NAALADL2: variants seen among roughly 807,000 people sequenced by gnomAD.
NAALADL2 encodes N-acetylated alpha-linked acidic dipeptidase like 2, also known as inactive N-acetylated-alpha-linked acidic dipeptidase-like protein 2.
A neutral mutation model predicts 87.2 loss-of-function variants in NAALADL2; 76 were observed. The ratio of observed to expected loss-of-function variants is 0.87; its 90% CI spans 0.72 to 1.05. The LOEUF (loss-of-function observed/expected upper bound fraction) is 1.05, where lower values mean the gene tolerates loss of function less well. NAALADL2 is among the 50% of genes least tolerant of loss of function. The pLI, the probability that NAALADL2 is intolerant of heterozygous loss-of-function variation, is 0.00. For synonymous variants in NAALADL2, 354 were observed against 331.0 expected (o/e 1.07, Z -0.75); for missense variants, 1,089 against 945.8 (o/e 1.15, Z -1.99).
intron 1 of NAALADL2, among the ~76,000 whole-genome samples, chr3:174,521,067 G>A (rs1165299820): frequency 6.6e-6 from 1 of 152,170 alleles, no homozygotes; most frequent in Non-Finnish European, 1.5e-5. Context: ...TGGTGGGAAT[G>A]TAAATTAGTA....
intron 1 of NAALADL2, among the ~76,000 whole-genome samples, chr3:174,513,050 C>A (rs1191849523): frequency 1.3e-5 from 2 of 151,902 alleles, no homozygotes; most frequent in African/African-American, 4.8e-5. Context: ...CAACCTCTGC[C>A]TCCCGGGTTC....
Position 175,576,090 on chromosome 3 carries a change from T to A in NAALADL2, c.1703T>A (p.Ile568Asn). ...AGAGCCCAGTGCCCAGAAACCAATA[T>A]CAGTTCTATACAGATACAAGGTGAT... ...TRRAQCPETNISSIQIQGDAD... is the reference protein window; with the variant it reads ...TRRAQCPETNNSSIQIQGDAD... The change falls in exon 10 of 14, where the codon ATC becomes AAC. Residue 568 changes from isoleucine to asparagine, a missense_variant. By Grantham distance (149) the Ile-to-Asn change is moderately radical (BLOSUM62 -3). Coordinates refer to ENST00000454872, the MANE Select transcript of NAALADL2 (RefSeq NM_207015.3). 1 of 1,613,230 alleles carries A rather than the reference T, an allele frequency of 6.2e-7. No homozygotes were observed. The highest frequency in any genetic ancestry group is 8.5e-7 in the Non-Finnish European group (1 of 1,179,426).
At chr3:175,406,167 T>C (rs1235253998) in intron 5 of NAALADL2, among the ~76,000 whole-genome samples, 1 of 152,138 alleles carries the variant, frequency 6.6e-6, no homozygotes, top group Non-Finnish European at 1.5e-5. Flanking sequence ...AAAATGACAA[T>C]GGAGTGAATG....
At position 175,777,844 on chromosome 3, in the gene NAALADL2, AGAACTTTTTCTCAATGTG is replaced by A. The variant is rs1389093223; in HGVS notation, c.2189+22442_2189+22459del. The stretch of plus-strand genomic sequence containing the variant: ...TCCCATACTCCAAGTCAGAAAATGT[AGAACTTTTTCTCAATGTG>A]GAACTTTTTCTCAATAATTTACCGT... On this transcript the variant is annotated intron_variant, in intron 13 of 13. Coordinates refer to ENST00000454872, the MANE Select transcript of NAALADL2 (RefSeq NM_207015.3). Among the ~76,000 whole-genome samples, 52 of 152,260 alleles carry A rather than the reference AGAACTTTTTCTCAATGTG, an allele frequency of 3.4e-4. 1 individual carries two copies. Among genetic ancestry groups the A allele is most frequent in the African/African-American group, 8.4e-4 (35 of 41,520 alleles).
intron 9 of NAALADL2, 59 bp from the exon 10 acceptor site, chr3:175,575,981 TG>T: frequency 7.2e-7 from 1 of 1,397,688 alleles, no homozygotes; most frequent in South Asian, 1.3e-5. Context: ...TGAGTAGCAC[TG>T]ATCTAGGGAT....
At chr3:174,951,822 T>C (rs1470322416) in intron 1 of NAALADL2, among the ~76,000 whole-genome samples, 1 of 152,136 alleles carries the variant, frequency 6.6e-6, no homozygotes, top group Non-Finnish European at 1.5e-5. Context: ...ACTGCCATAA[T>C]TTCTCTTTCC....
intron 1 of NAALADL2, among the ~76,000 whole-genome samples, chr3:174,982,664 A>G (rs1181994937): frequency 6.6e-6 from 1 of 152,234 alleles, no homozygotes; most frequent in Non-Finnish European, 1.5e-5. Flanking sequence ...GTAACATCGA[A>G]GCCTTGCAAT....
At chr3:175,381,361 A>G (rs1018809751) in intron 5 of NAALADL2, among the ~76,000 whole-genome samples, 2 of 151,676 alleles carry the variant, frequency 1.3e-5, no homozygotes, top group Non-Finnish European at 2.9e-5. Flanking sequence ...TGTAAAAAAG[A>G]TTAGTTACAG....
chr3:175,584,880 T>C (rs1323476367), intron 10 of NAALADL2, among the ~76,000 whole-genome samples: 1 of 152,218 alleles, frequency 6.6e-6, no homozygotes, highest in Non-Finnish European at 1.5e-5. Context: ...GGTGAGTGAA[T>C]GTGAAGGCCT....
At chr3:175,762,259 C>T (rs888682070) in intron 13 of NAALADL2, among the ~76,000 whole-genome samples, 18 of 128,060 alleles carry the variant, frequency 1.4e-4, no homozygotes, top group African/African-American at 5.4e-4. Context: ...TCTCTTTTCT[C>T]TGTTGAATTG....
intron 1 of NAALADL2, among the ~76,000 whole-genome samples, chr3:175,014,528 A>T (rs890371898): frequency 1.3e-5 from 2 of 152,182 alleles, no homozygotes; most frequent in Non-Finnish European, 2.9e-5. Context: ...GTCATAAAAT[A>T]TAGGTTGAAC....
intron 2 of NAALADL2, among the ~76,000 whole-genome samples, chr3:175,168,978 A>G (rs1206149677): frequency 4.6e-5 from 7 of 151,800 alleles, no homozygotes; most frequent in African/African-American, 1.7e-4. Flanking sequence ...AAAACAGGAT[A>G]GCTGTACAGA....
At chr3:174,897,550 C>A (rs191485486) in intron 1 of NAALADL2, among the ~76,000 whole-genome samples, 1 of 152,080 alleles carries the variant, frequency 6.6e-6, no homozygotes, top group Non-Finnish European at 1.5e-5. Flanking sequence ...AAACAGGAAC[C>A]CTTGTACATT....
chr3:175,154,871 C>G (rs1037272461), intron 2 of NAALADL2, among the ~76,000 whole-genome samples: 1 of 151,950 alleles, frequency 6.6e-6, no homozygotes, highest in Non-Finnish European at 1.5e-5. Context: ...TAGCAAATCA[C>G]AGTAATGTCT....
chr3:175,095,969 A>C (rs1173597430), intron 1 of NAALADL2, among the ~76,000 whole-genome samples: 1 of 152,148 alleles, frequency 6.6e-6, no homozygotes, highest in Non-Finnish European at 1.5e-5. Context: ...ACAAGCTGTC[A>C]TCCAAAGCTG....
intron 11 of NAALADL2, among the ~76,000 whole-genome samples, chr3:175,695,882 T>C (rs1471823136): frequency 6.6e-6 from 1 of 152,122 alleles, no homozygotes; most frequent in Non-Finnish European, 1.5e-5. Context: ...GGCGTGCTTA[T>C]TAGATTAAAA....
chr3:175,648,493 T>A (rs1207721267), intron 11 of NAALADL2, among the ~76,000 whole-genome samples: 1 of 108,488 alleles, frequency 9.2e-6, no homozygotes, highest in Non-Finnish European at 2.0e-5. Flanking sequence ...GACAATTTTC[T>A]TTTTTTTTTT....
At chr3:175,579,868 GTCTA>G (rs142433155) in intron 10 of NAALADL2, among the ~76,000 whole-genome samples, 19,267 of 152,062 alleles carry the variant, frequency 0.13, 1,363 homozygotes, top group Middle Eastern at 0.17. Flanking sequence ...ATGCCAGAGG[GTCTA>G]TCTTTCTTAG....
At chr3:174,683,138 G>T (rs1302700370) in intron 2 of NAALADL2, among the ~76,000 whole-genome samples, 1 of 152,128 alleles carries the variant, frequency 6.6e-6, no homozygotes, top group African/African-American at 2.4e-5. Flanking sequence ...AAGAATGCAT[G>T]CAGCATAATT....
Sources: gnomAD v4.1 joint callset for allele counts (sites outside exome capture counted in the v4.1 genomes callset) on GRCh38, gnomAD v4.1.1 for gene constraint, MANE v1.5 for transcripts, NCBI Gene and HGNC (gene_info 2026-07-23, HGNC 2026-07-21) for gene names.